The following SORBS2 variants were observed in gnomAD, a reference collection of about 807,000 sequenced individuals.
The protein encoded by SORBS2 is sorbin and SH3 domain containing 2, also known as sorbin and SH3 domain-containing protein 2.
In SORBS2, 46 loss-of-function variants were observed where a neutral mutation model predicts 97.7. The ratio of observed to expected loss-of-function variants is 0.47; its 90% CI spans 0.37 to 0.60. The LOEUF (loss-of-function observed/expected upper bound fraction) is 0.60. SORBS2 is among the 20% of genes least tolerant of loss of function. The pLI, the probability that SORBS2 is intolerant of heterozygous loss-of-function variation, is 0.00. For synonymous variants in SORBS2, 476 were observed against 473.4 expected (o/e 1.01, Z -0.07); for missense variants, 1,316 against 1,282.3 (o/e 1.03, Z -0.40).
At chr4:185,786,862 T>G (rs1358138494) in intron 1 of SORBS2, among the ~76,000 whole-genome samples, 1 of 151,364 alleles carries the variant, frequency 6.6e-6, no homozygotes, top group African/African-American at 2.4e-5. Context: ...CTTGGGAGGC[T>G]GAGGCAGGAG....
Position 185,635,336 on chromosome 4 carries a change from G to A in SORBS2, c.397-4738C>T, listed in dbSNP as rs746537483. 1.3e-6 allele frequency: 2 copies of A among 1,578,694 alleles called. No homozygotes were observed. The highest frequency in any genetic ancestry group is 2.2e-5 in the East Asian group (1 of 44,686). ...CTCTAAGGGAGATATCTGAAAAAGA[G>A]AGAATAACGTGTTTTTACCTCATTG... is the stretch of plus-strand genomic sequence containing the variant. On this transcript the variant is annotated intron_variant, in intron 4 of 14. Transcript: ENST00000418609.
intron 7 of SORBS2, among the ~76,000 whole-genome samples, chr4:185,621,412 T>A (rs2096717714): frequency 6.6e-6 from 1 of 152,112 alleles, no homozygotes; most frequent in African/African-American, 2.4e-5. Context: ...TCAAAGCCCT[T>A]CCAAGTTACG....
At chr4:185,806,582 C>T (rs1048670448) in intron 1 of SORBS2, among the ~76,000 whole-genome samples, 8 of 149,846 alleles carry the variant, frequency 5.3e-5, no homozygotes, top group Non-Finnish European at 8.9e-5. Flanking sequence ...CTCAGCCTCC[C>T]GAGTAGCTGG....
intron 1 of SORBS2, among the ~76,000 whole-genome samples, chr4:185,937,343 A>G (rs2099269436): frequency 6.6e-6 from 1 of 152,192 alleles, no homozygotes; most frequent in Admixed American, 6.5e-5. Flanking sequence ...ATTTACTCTT[A>G]CAGTGAGATA....
intron 11 of SORBS2, among the ~76,000 whole-genome samples, chr4:185,612,640 C>T (rs2096559536): frequency 6.6e-6 from 1 of 151,982 alleles, no homozygotes. Context: ...AGGCGCCCGC[C>T]ACCAGGCCCG....
chr4:185,886,097 C>T (rs1372709815), intron 1 of SORBS2, among the ~76,000 whole-genome samples: 1 of 152,110 alleles, frequency 6.6e-6, no homozygotes, highest in East Asian at 1.9e-4. Flanking sequence ...ATAGCAAGCC[C>T]CTGGGCGATT....
intron 4 of SORBS2, chr4:185,677,315 A>G (rs1306210490): frequency 6.4e-7 from 1 of 1,552,184 alleles, no homozygotes; most frequent in African/African-American, 1.4e-5. Flanking sequence ...TCCGAGTTTG[A>G]GAATCTTGCC....
intron 1 of SORBS2, chr4:185,656,595 C>G (rs1307148590): frequency 2.0e-6 from 3 of 1,526,232 alleles, no homozygotes; most frequent in Admixed American, 2.0e-5. Flanking sequence ...AGTCCCTCCC[C>G]GCATGGCCCC....
At chr4:185,955,191 G>T in intron 1 of SORBS2, among the ~76,000 whole-genome samples, 1 of 152,084 alleles carries the variant, frequency 6.6e-6, no homozygotes, top group Non-Finnish European at 1.5e-5. Context: ...AGCACTCTTT[G>T]CATTCATTTC....
rs80226965 is a variant in SORBS2, at chr4:185,793,498, C to A, written c.-337-18132G>T. Among the ~76,000 whole-genome samples, 43 of 152,274 alleles carry A rather than the reference C, an allele frequency of 2.8e-4. 2 individuals carry two copies. In the East Asian group the frequency reaches 8.3e-3, roughly 29 times the overall value. On this transcript the variant is annotated intron_variant, in intron 1 of 20. Transcript: ENST00000284776. The stretch of plus-strand genomic sequence containing the variant: ...AAGTTTCTTTGAGTTTTAAGTTGGA[C>A]TTCAACAGTTAAAGAACAACATGAT...
At chr4:185,701,775 C>CT (rs34491237) in intron 2 of SORBS2, among the ~76,000 whole-genome samples, 123,845 of 144,466 alleles carry the variant, frequency 0.86, 53,133 homozygotes, top group South Asian at 0.91. Flanking sequence ...AAATTTCTTT[C>CT]TTTTTTTTTT....
At chr4:185,751,216 C>A (rs2098798626) in intron 2 of SORBS2, among the ~76,000 whole-genome samples, 2 of 105,922 alleles carry the variant, frequency 1.9e-5, no homozygotes, top group Admixed American at 1.1e-4. Flanking sequence ...AATTCAGGAA[C>A]TGTCCAGGTA....
At chr4:185,674,935 C>T (rs887373632) in intron 4 of SORBS2, among the ~76,000 whole-genome samples, 7 of 152,116 alleles carry the variant, frequency 4.6e-5, no homozygotes, top group Admixed American at 3.9e-4. Flanking sequence ...ATGTAATTTA[C>T]TCCAGTTCTT....
At chr4:185,646,419 A>G (rs28564061) in intron 4 of SORBS2, 345 of 167,476 alleles carry the variant, frequency 2.1e-3, no homozygotes, top group East Asian at 0.012. Context: ...GTGTGTGTGT[A>G]TATATATATA....
At chr4:185,774,343 AAGAC>A (rs1341376162) in intron 2 of SORBS2, 4 of 152,226 alleles carry the variant, frequency 2.6e-5, no homozygotes, top group African/African-American at 9.6e-5. Context: ...AGTGAAATCT[AAGAC>A]AGATCAGTGA....
chr4:185,850,253 G>A (rs1168394872), intron 1 of SORBS2, among the ~76,000 whole-genome samples: 1 of 152,188 alleles, frequency 6.6e-6, no homozygotes, highest in African/African-American at 2.4e-5. Context: ...GGTAATGACT[G>A]AGTTGGGAAA....
intron 4 of SORBS2, 147 bp downstream of exon 7, chr4:185,678,276 C>T (rs907632918): frequency 3.0e-6 from 2 of 666,384 alleles, no homozygotes; most frequent in African/African-American, 3.7e-5. Flanking sequence ...GTTGTAAATA[C>T]AAACCTGGCA....
intron 1 of SORBS2, among the ~76,000 whole-genome samples, chr4:185,884,868 C>G (rs1472402146): frequency 6.6e-6 from 1 of 152,194 alleles, no homozygotes; most frequent in African/African-American, 2.4e-5. Flanking sequence ...GAATTTACTA[C>G]ATACTTTATG....
chr4:185,691,090 C>T (rs150369737), intron 2 of SORBS2, among the ~76,000 whole-genome samples: 3 of 152,062 alleles, frequency 2.0e-5, no homozygotes, highest in East Asian at 1.9e-4. Flanking sequence ...TTAATAGAGA[C>T]GGGGTTTCAC....
Sources: gnomAD v4.1 joint callset for allele counts (sites outside exome capture counted in the v4.1 genomes callset) on GRCh38, gnomAD v4.1.1 for gene constraint, MANE v1.5 for transcripts, NCBI Gene and HGNC (gene_info 2026-07-23, HGNC 2026-07-21) for gene names.